PUS7: variants seen among roughly 807,000 people sequenced by gnomAD.
The protein encoded by PUS7 is pseudouridylate synthase 7 homolog.
Under a neutral mutation model 79.8 loss-of-function variants are expected in PUS7, and 48 were observed. That is an observed-to-expected ratio of 0.60 (90% CI 0.48 to 0.76). The LOEUF (loss-of-function observed/expected upper bound fraction) is 0.76, where lower values mean the gene tolerates loss of function less well. Ranked by LOEUF, PUS7 falls within the 30% of genes least tolerant of loss-of-function variation. The pLI is 0.00. For synonymous variants in PUS7, 286 were observed against 272.2 expected (o/e 1.05, Z -0.50); for missense variants, 729 against 797.6 (o/e 0.91, Z 1.04).
At chr7:105,504,815 T>C (rs983541391) in intron 4 of PUS7, among the ~76,000 whole-genome samples, 3 of 152,110 alleles carry the variant, frequency 2.0e-5, no homozygotes, top group Non-Finnish European at 4.4e-5. Context: ...TTTTCAGTAA[T>C]GGAAGATTTC....
intron 7 of PUS7, among the ~76,000 whole-genome samples, chr7:105,485,295 C>T (rs1030295355): frequency 6.6e-6 from 1 of 152,158 alleles, no homozygotes; most frequent in African/African-American, 2.4e-5. Context: ...CTGCAACCTC[C>T]GCTTCCCGGG....
Position 105,473,511 on chromosome 7 carries a change from C to G in PUS7, c.1176-1318G>C, listed in dbSNP as rs75297219. Among the ~76,000 whole-genome samples the G allele has an allele frequency of 7.9e-3, 1,206 of 151,966 alleles. 46 individuals are homozygous for G. The East Asian group carries it at 0.12, about 15-fold the overall frequency. On this transcript the variant is annotated intron_variant, in intron 9 of 15. Coordinates refer to ENST00000469408, the MANE Select transcript of PUS7 (RefSeq NM_019042.5). ...TCAGCTCACTGCAACTTCTGCCTGC[C>G]GGGTCCAAGCGATTCTTGTGCCTCA...
intron 9 of PUS7, among the ~76,000 whole-genome samples, chr7:105,478,418 T>C (rs1185869022): frequency 6.6e-6 from 1 of 152,234 alleles, no homozygotes; most frequent in Admixed American, 6.5e-5. Context: ...CGTTATACCA[T>C]TTTACATTTC....
intron 14 of PUS7, among the ~76,000 whole-genome samples, chr7:105,461,943 C>T (rs1171854624): frequency 1.3e-5 from 2 of 151,598 alleles, no homozygotes; most frequent in Non-Finnish European, 2.9e-5. Flanking sequence ...TTTGGGAGGC[C>T]GAGGTGGGAG....
intron 1 of PUS7, among the ~76,000 whole-genome samples, chr7:105,512,375 A>C (rs1383053534): frequency 6.6e-6 from 1 of 152,146 alleles, no homozygotes; most frequent in Non-Finnish European, 1.5e-5. Context: ...TACAGCAACA[A>C]AACTACCCTC....
At chr7:105,476,358 T>TTA (rs968779539) in intron 9 of PUS7, among the ~76,000 whole-genome samples, 19 of 151,656 alleles carry the variant, frequency 1.3e-4, no homozygotes, top group Admixed American at 1.1e-3. Flanking sequence ...ATAACATAAT[T>TTA]TATATATATA....
chr7:105,477,493 G>A (rs996132143), intron 9 of PUS7, among the ~76,000 whole-genome samples: 1 of 151,350 alleles, frequency 6.6e-6, no homozygotes, highest in Admixed American at 6.6e-5. Flanking sequence ...CAAGCAATCC[G>A]CCACCCACCT....
intron 1 of PUS7, among the ~76,000 whole-genome samples, chr7:105,520,444 G>A (rs113224827): frequency 8.4e-6 from 1 of 118,546 alleles, no homozygotes; most frequent in South Asian, 3.3e-4. Flanking sequence ...CAGCCCTCAA[G>A]CTGGGTGAAT....
chr7:105,462,350 T>G (rs818460), intron 14 of PUS7: 2 of 306,410 alleles, frequency 6.5e-6, no homozygotes, highest in Admixed American at 5.4e-5. Flanking sequence ...GAGAATCGCT[T>G]GAACCTGGGA....
rs1562818383 is a variant in PUS7 at position 105,508,180 on chromosome 7, CTCAG to C, written c.329_332del (p.Thr110ArgfsTer4). The C allele has an allele frequency of 6.2e-7, 1 of 1,614,166 alleles. No homozygotes were observed. The highest frequency in any genetic ancestry group is 1.1e-5 in the South Asian group (1 of 91,068). ...CAAACTTGGTGATGCCTACGTCAGC[CTCAG>C]TGAGTCCATGCTTCATCATGTCTGC... On this transcript the variant is annotated frameshift_variant, in exon 2 of 16. Coordinates refer to ENST00000469408, the MANE Select transcript of PUS7 (RefSeq NM_019042.5). LOFTEE classifies it high-confidence loss of function.
At chr7:105,520,328 G>A (rs1253598514) in intron 1 of PUS7, among the ~76,000 whole-genome samples, 3 of 151,864 alleles carry the variant, frequency 2.0e-5, no homozygotes, top group Non-Finnish European at 4.4e-5. Flanking sequence ...GCGTGGTGGC[G>A]GGCGCCTGTA....
intron 5 of PUS7, 30 bp downstream of exon 5, chr7:105,502,390 G>A (rs915498779): frequency 1.8e-5 from 29 of 1,612,874 alleles, no homozygotes; most frequent in Non-Finnish European, 2.5e-5. Context: ...ACGGCTGCCT[G>A]GCAGGAGGAA....
In PUS7 at chr7:105,502,416, C is replaced by G. The variant is rs1415279079; in HGVS notation, c.730+4G>C. ...GCAGGAGGAAGCTGCTCACAGACAC[C>G]TACTTGCCAAAGCCTTTTTCCCAGC... is the stretch of plus-strand genomic sequence containing the variant. On this transcript the variant is annotated splice_donor_region_variant and intron_variant, in intron 5 of 15. Transcript: ENST00000469408. 5.0e-6 allele frequency: 8 copies of G among 1,613,980 alleles called. No individual in the cohort carries two copies. Among genetic ancestry groups the G allele is most frequent in the Non-Finnish European group, 6.8e-6 (8 of 1,179,962 alleles).
At chr7:105,480,309 C>A (rs1824268963) in intron 9 of PUS7, among the ~76,000 whole-genome samples, 4 of 151,430 alleles carry the variant, frequency 2.6e-5, no homozygotes, top group Admixed American at 2.6e-4. Flanking sequence ...CCCGCCACTA[C>A]TAAAAATACA....
At chr7:105,480,968 A>C in intron 9 of PUS7, 84 bp downstream of exon 9, 1 of 1,455,314 alleles carries the variant, frequency 6.9e-7, no homozygotes, top group South Asian at 1.3e-5. Context: ...GGGAGAACGT[A>C]GAAATAATTA....
intron 15 of PUS7, among the ~76,000 whole-genome samples, chr7:105,458,851 G>A (rs903128269): frequency 2.3e-4 from 35 of 152,136 alleles, no homozygotes; most frequent in Admixed American, 1.4e-3. Context: ...GTGAGCCACC[G>A]CACCTGCCCA....
intron 7 of PUS7, among the ~76,000 whole-genome samples, chr7:105,486,299 C>T (rs533416826): frequency 8.9e-4 from 135 of 152,198 alleles, no homozygotes; most frequent in African/African-American, 3.2e-3. Context: ...GTAATCTGCC[C>T]GCCTTAGCCT....
chr7:105,475,091 T>C (rs1010962807), intron 9 of PUS7, among the ~76,000 whole-genome samples: 3 of 152,226 alleles, frequency 2.0e-5, no homozygotes, highest in African/African-American at 7.2e-5. Context: ...GATGCTACCA[T>C]ATACTGTAAA....
chr7:105,482,237 G>T, intron 8 of PUS7, 75 bp downstream of exon 8: 1 of 1,522,946 alleles, frequency 6.6e-7, no homozygotes, highest in South Asian at 1.2e-5. Flanking sequence ...AGGACCTTAT[G>T]ACCAACCGTG....
Sources: gnomAD v4.1 joint callset for allele counts (sites outside exome capture counted in the v4.1 genomes callset) on GRCh38, gnomAD v4.1.1 for gene constraint, MANE v1.5 for transcripts, NCBI Gene and HGNC (gene_info 2026-07-23, HGNC 2026-07-21) for gene names.